Variants in LRP10 observed in about 807,000 individuals in gnomAD.
LRP10 encodes the protein low-density lipoprotein receptor-related protein 10.
Under a neutral mutation model 58.5 loss-of-function variants are expected in LRP10, and 42 were observed. That is an observed-to-expected ratio of 0.72 (90% CI 0.56 to 0.93). The LOEUF is 0.93. LRP10 is among the 40% of genes least tolerant of loss of function. The probability of loss-of-function intolerance (pLI) is 0.00; values close to 1 mark genes in which losing one functional copy is unlikely to be tolerated. For missense variants in LRP10, 872 were observed against 940.1 expected (o/e 0.93, Z 0.95); for synonymous variants, 377 against 388.5 (o/e 0.97, Z 0.35).
In LRP10 at chr14:22,872,015, G is replaced by A; in HGVS notation, c.-289G>A. The A allele has an allele frequency of 1.8e-6, 1 of 544,318 alleles. No homozygotes were observed. Among genetic ancestry groups the A allele is most frequent in the South Asian group, 2.1e-5 (1 of 47,500 alleles). The allele number at this position is 544,318 out of a possible 1,614,324, so 33.7% of individuals were successfully genotyped here. A position where few individuals can be genotyped will look rare whatever the true frequency, so the allele number is the denominator to read the frequency against. On this transcript the variant is annotated 5_prime_UTR_variant, in exon 1 of 7. Transcript: ENST00000359591. ...GCGGGCGGGCTGTAGGCGAGGGCGC[G>A]CCCCAGTGCCGAGACCCGGGGCTTC...
chr14:22,877,777 T>A lies in LRP10; in HGVS notation c.*250T>A. On this transcript the variant is annotated 3_prime_UTR_variant, in exon 7 of 7. Transcript: ENST00000359591. The surrounding 1 kb of genome is among the most constrained non-coding windows in gnomAD (Gnocchi z 5.1). The stretch of plus-strand genomic sequence containing the variant: ...ACACCCCAGTCCCTTCACCACCACC[T>A]GCTCCCCACGCCACCACCATTTGGG... 2.5e-6 allele frequency: 1 copy of A among 400,118 alleles called. No homozygotes were observed. 24.8% of individuals were successfully genotyped at this position (400,118 alleles called of 1,614,324 possible).
In LRP10 at chr14:22,880,617, C is replaced by T. The variant is rs945474377; in HGVS notation, c.*3090C>T. On this transcript the variant is annotated 3_prime_UTR_variant, in exon 7 of 7. Coordinates refer to ENST00000359591, the MANE Select transcript of LRP10 (RefSeq NM_014045.5). ...AAATAAATAGATTTAAAAAAAAAAT[C>T]ATGGGCCTGAACCAAGCTCCAGACC... is the stretch of plus-strand genomic sequence containing the variant. 1 of 151,984 alleles carries T rather than the reference C, an allele frequency of 6.6e-6. No individual in the cohort carries two copies. The highest frequency in any genetic ancestry group is 2.4e-5 in the African/African-American group (1 of 41,356). The allele number at this position is 151,984 out of a possible 1,614,324, so 9.4% of individuals were successfully genotyped here.
rs1462352316 is a variant in LRP10 at position 22,877,533 on chromosome 14, C to A, written c.*6C>A. The A allele has an allele frequency of 6.4e-7, 1 of 1,571,332 alleles. No individual in the cohort carries two copies. The highest frequency in any genetic ancestry group is 2.3e-5 in the East Asian group (1 of 44,366). On this transcript the variant is annotated 3_prime_UTR_variant, in exon 7 of 7. Transcript: ENST00000359591. This position sits in a 1 kb window ranked among gnomAD's most constrained non-coding sequence, Gnocchi z 5.1. ...ATGAGCCACTGCTTACCTGAGGGGA[C>A]CTGGGGGCTCTACTGAGGCCTCTCC...
At position 22,875,241 on chromosome 14, in the gene LRP10, C is replaced by G. The variant is rs2039989809; in HGVS notation, c.402C>G (p.Ser134Arg). Reference sequence around the variant, plus strand: ...GCCAGGGCTTCCTGCTCTCCTACAGCCAAGGTAGGCTGGACAGGGATGTCT... The same window carrying G: ...GCCAGGGCTTCCTGCTCTCCTACAGGCAAGGTAGGCTGGACAGGGATGTCT... ...PMGQGFLLSYSQDWLMCLQEE... is the reference protein window; with the variant it reads ...PMGQGFLLSYRQDWLMCLQEE... Residue 134 changes from serine to arginine, a missense_variant, in exon 4 of 7, where the codon AGC (serine) becomes AGG (arginine). Coordinates refer to ENST00000359591, the MANE Select transcript of LRP10 (RefSeq NM_014045.5). 6.3e-7 allele frequency: 1 copy of G among 1,592,934 alleles called. No individual in the cohort carries two copies. The highest frequency in any genetic ancestry group is 2.2e-5 in the East Asian group (1 of 44,600).
At chr14:22,876,426 G>C (rs2138784758) in intron 5 of LRP10, 54 bp downstream of exon 5, 1 of 1,591,020 alleles carries the variant, frequency 6.3e-7, no homozygotes, top group Non-Finnish European at 8.6e-7. Flanking sequence ...GTGAGGCTGG[G>C]CTGTGCAGCT....
At chr14:22,876,852 G>T in intron 6 of LRP10, 34 bp downstream of exon 6, 1 of 1,609,202 alleles carries the variant, frequency 6.2e-7, no homozygotes, top group South Asian at 1.1e-5. Flanking sequence ...GCACCTCCTG[G>T]TCCCAGTTCT....
chr14:22,877,545 AC>A lies in LRP10; in HGVS notation c.*19del. 6.5e-7 allele frequency: 1 copy of A among 1,543,090 alleles called. No individual in the cohort carries two copies. Among genetic ancestry groups the A allele is most frequent in the Non-Finnish European group, 8.8e-7 (1 of 1,139,176 alleles). On this transcript the variant is annotated 3_prime_UTR_variant, in exon 7 of 7. Transcript: ENST00000359591. This position sits in a 1 kb window ranked among gnomAD's most constrained non-coding sequence, Gnocchi z 5.1. The stretch of plus-strand genomic sequence containing the variant: ...TTACCTGAGGGGACCTGGGGGCTCT[AC>A]TGAGGCCTCTCCCCTGGGGGCTCTA...
At position 22,877,360 on chromosome 14, in the gene LRP10, C is replaced by T. The variant is rs1335310645; in HGVS notation, c.1975C>T (p.Arg659Ter). ...SLLSGVVQAL[R>*]GRLLPSLGPP... is the part of the protein sequence containing the mutation. ...ATTGTCTGGAGTGGTGCAGGCCCTG[C>T]GAGGCCGCCTGTTGCCCAGCCTGGG... The change falls in exon 7 of 7, where the codon CGA (arginine) becomes TGA (stop). Residue 659 changes from arginine to a stop codon, truncating the protein, a stop_gained. Transcript: ENST00000359591. LOFTEE classifies it high-confidence loss of function. The surrounding 1 kb of genome is among the most constrained non-coding windows in gnomAD (Gnocchi z 5.1). 6.8e-6 allele frequency: 11 copies of T among 1,613,134 alleles called. No homozygotes were observed. The highest frequency in any genetic ancestry group is 1.7e-5 in the Admixed American group (1 of 59,900).
Position 22,875,845 on chromosome 14 carries a change from T to C in LRP10, c.897T>C (p.Asn299=), listed in dbSNP as rs2039998559. 2 of 1,613,936 alleles carry C rather than the reference T, an allele frequency of 1.2e-6. No individual in the cohort carries two copies. The highest frequency in any genetic ancestry group is 2.2e-5 in the East Asian group (1 of 44,902). The change falls in exon 5 of 7, where the codon AAT becomes AAC. Residue 299 remains asparagine, a synonymous_variant. Coordinates refer to ENST00000359591, the MANE Select transcript of LRP10 (RefSeq NM_014045.5). ...CTTGGAGCAATGGTCGTGGCTTCAA[T>C]GCCACCTACCATGTGCGGGGCTATT... ...TVAWSNGRGF[N]ATYHVRGYCL...
rs1815680609 is a variant in LRP10 at position 22,878,222 on chromosome 14, C to T, written c.*695C>T. On this transcript the variant is annotated 3_prime_UTR_variant, in exon 7 of 7. Coordinates refer to ENST00000359591, the MANE Select transcript of LRP10 (RefSeq NM_014045.5). ...CTTCCTGTTCATCTCCCAACCACTG[C>T]ACTCTTGATTTTTATACCACACAGA... The T allele has an allele frequency of 6.6e-6, 1 of 152,302 alleles. No homozygotes were observed. Among genetic ancestry groups the T allele is most frequent in the African/African-American group, 2.4e-5 (1 of 41,432 alleles). 9.4% of individuals were successfully genotyped at this position (152,302 alleles called of 1,614,324 possible).
rs1035017921 is a variant in LRP10 at position 22,878,773 on chromosome 14, G to A, written c.*1246G>A. 2 of 178,114 alleles carry A rather than the reference G, an allele frequency of 1.1e-5. No homozygotes were observed. The highest frequency in any genetic ancestry group is 4.6e-5 in the African/African-American group (2 of 43,210). The allele number at this position is 178,114 out of a possible 1,614,324, so 11.0% of individuals were successfully genotyped here. On this transcript the variant is annotated 3_prime_UTR_variant, in exon 7 of 7. Coordinates refer to ENST00000359591, the MANE Select transcript of LRP10 (RefSeq NM_014045.5). ...GGAGACAAGAGGGCAAGGGTTATAG[G>A]AAAGACCCTGGGCCTGAGAGCACAA...
Position 22,877,695 on chromosome 14 carries a change from T to C in LRP10, c.*168T>C. ...CCTATGTAGCTGCTATAAAGTTAAGTGTCCCTCAGGCAGGGAGAGGGCTCA... is the reference window on the plus strand; with the variant it reads ...CCTATGTAGCTGCTATAAAGTTAAGCGTCCCTCAGGCAGGGAGAGGGCTCA... On this transcript the variant is annotated 3_prime_UTR_variant, in exon 7 of 7. Coordinates refer to ENST00000359591, the MANE Select transcript of LRP10 (RefSeq NM_014045.5). The surrounding 1 kb of genome is among the most constrained non-coding windows in gnomAD (Gnocchi z 5.1). 5.3e-6 allele frequency: 3 copies of C among 562,716 alleles called. No homozygotes were observed. The highest frequency in any genetic ancestry group is 2.6e-5 in the South Asian group (1 of 39,182). The allele number at this position is 562,716 out of a possible 1,614,324, so 34.9% of individuals were successfully genotyped here.
rs1419076810 is a variant in LRP10, at chr14:22,879,998, G to A, written c.*2471G>A. 6.6e-6 allele frequency: 1 copy of A among 152,224 alleles called. No homozygotes were observed. The highest frequency in any genetic ancestry group is 1.5e-5 in the Non-Finnish European group (1 of 68,044). The allele number at this position is 152,224 out of a possible 1,614,324, so 9.4% of individuals were successfully genotyped here. A position where few individuals can be genotyped will look rare whatever the true frequency, so the allele number is the denominator to read the frequency against. The stretch of plus-strand genomic sequence containing the variant: ...CTTAGCGGTGTGGGACCCACGTTAA[G>A]GCTCTTGGTGGGAAGGTGGGAGGTG... On this transcript the variant is annotated 3_prime_UTR_variant, in exon 7 of 7. Coordinates refer to ENST00000359591, the MANE Select transcript of LRP10 (RefSeq NM_014045.5).
At position 22,876,480 on chromosome 14, in the gene LRP10, G is replaced by C. The variant is rs193036159; in HGVS notation, c.1424+108G>C. 3,859 of 1,415,020 alleles carry C rather than the reference G, an allele frequency of 2.7e-3. 78 individuals are homozygous for C. The Admixed American group carries it at 0.041, about 15-fold the overall frequency. 87.7% of individuals were successfully genotyped at this position (1,415,020 alleles called of 1,614,324 possible). A position where few individuals can be genotyped will look rare whatever the true frequency, so the allele number is the denominator to read the frequency against. The stretch of plus-strand genomic sequence containing the variant: ...GCCCACCTTGGGGAGAGGCTCCCAT[G>C]ATCAGCTTGTCAGTTGTGTCCTGTA... On this transcript the variant is annotated intron_variant, in intron 5 of 6. Coordinates refer to ENST00000359591, the MANE Select transcript of LRP10 (RefSeq NM_014045.5).
In LRP10 at chr14:22,876,166, C is replaced by T. The variant is rs1402673276; in HGVS notation, c.1218C>T (p.Cys406=). The T allele has an allele frequency of 6.2e-7, 1 of 1,614,210 alleles. No individual in the cohort carries two copies. The highest frequency in any genetic ancestry group is 8.5e-7 in the Non-Finnish European group (1 of 1,180,042). ...CRHCQPGNFR[C]RDEKCVYETW... ...ATTGCCAGCCTGGCAATTTCCGATG[C>T]CGGGACGAGAAGTGCGTGTATGAGA... is the stretch of plus-strand genomic sequence containing the variant. The change falls in exon 5 of 7, where the codon TGC becomes TGT. Residue 406 remains cysteine, a synonymous_variant. Transcript: ENST00000359591.
Position 22,879,385 on chromosome 14 carries a change from G to C in LRP10, c.*1858G>C, listed in dbSNP as rs138427668. 8 of 310,238 alleles carry C rather than the reference G, an allele frequency of 2.6e-5. No homozygotes were observed. Among genetic ancestry groups the C allele is most frequent in the African/African-American group, 1.7e-4 (8 of 46,352 alleles). 19.2% of individuals were successfully genotyped at this position (310,238 alleles called of 1,614,324 possible). A position where few individuals can be genotyped will look rare whatever the true frequency, so the allele number is the denominator to read the frequency against. Reference sequence around the variant, plus strand: ...TCCCTTTGGGCCCTCCTTCCCAAACGCAAACAATCCAGGATCCACTCAGCG... The same window carrying C: ...TCCCTTTGGGCCCTCCTTCCCAAACCCAAACAATCCAGGATCCACTCAGCG... On this transcript the variant is annotated 3_prime_UTR_variant, in exon 7 of 7. Transcript: ENST00000359591.
Position 22,877,568 on chromosome 14 carries a change from T to C in LRP10, c.*41T>C. ...CTACTGAGGCCTCTCCCCTGGGGGCTCTACTCATAGTGGCACAACCTTTTA... is the reference window on the plus strand; with the variant it reads ...CTACTGAGGCCTCTCCCCTGGGGGCCCTACTCATAGTGGCACAACCTTTTA... On this transcript the variant is annotated 3_prime_UTR_variant, in exon 7 of 7. Transcript: ENST00000359591. This position sits in a 1 kb window ranked among gnomAD's most constrained non-coding sequence, Gnocchi z 5.1. 6.9e-7 allele frequency: 1 copy of C among 1,440,236 alleles called. No individual in the cohort carries two copies. The highest frequency in any genetic ancestry group is 1.4e-5 in the South Asian group (1 of 72,670). 89.2% of individuals were successfully genotyped at this position (1,440,236 alleles called of 1,614,324 possible). A position where few individuals can be genotyped will look rare whatever the true frequency, so the allele number is the denominator to read the frequency against.
At chr14:22,874,964 C>T in intron 3 of LRP10, 91 bp from the exon 4 acceptor site, 4 of 894,800 alleles carry the variant, frequency 4.5e-6, no homozygotes, top group Non-Finnish European at 6.5e-6. Flanking sequence ...TTTATGCTTC[C>T]TGGGACACAA....
rs577553509 is a variant in LRP10 at position 22,878,400 on chromosome 14, G to T, written c.*873G>T. The T allele has an allele frequency of 6.6e-6, 1 of 152,304 alleles. No homozygotes were observed. Among genetic ancestry groups the T allele is most frequent in the South Asian group, 2.1e-4 (1 of 4,824 alleles). 9.4% of individuals were successfully genotyped at this position (152,304 alleles called of 1,614,324 possible). On this transcript the variant is annotated 3_prime_UTR_variant, in exon 7 of 7. Transcript: ENST00000359591. ...CCAGCTGGGCCCTGCGGTCAGGAAG[G>T]TTCTCATTTTTGGAGCATACCCTGA...
Sources: gnomAD v4.1 joint callset for allele counts on GRCh38, gnomAD v4.1.1 for gene constraint, Gnocchi (gnomAD v3.1) non-coding constraint, MANE v1.5 for transcripts, NCBI Gene and HGNC (gene_info 2026-07-23, HGNC 2026-07-21) for gene names.